GALNT17: variants seen among roughly 807,000 people sequenced by gnomAD.
GALNT17 encodes polypeptide N-acetylgalactosaminyltransferase 17, also known as UDP-GalNAc:polypeptide N-acetylgalactosaminyltransferase-like 3.
A neutral mutation model predicts 63.7 loss-of-function variants in GALNT17; 29 were observed. The observed-to-expected ratio is 0.46, with a 90% CI of 0.34 to 0.62. The LOEUF (loss-of-function observed/expected upper bound fraction) is 0.62, where lower values mean the gene tolerates loss of function less well. Among genes scored for constraint, GALNT17 ranks in the 20% least tolerant of loss-of-function variants. The probability of loss-of-function intolerance (pLI) is 0.01; values close to 1 mark genes in which losing one functional copy is unlikely to be tolerated. For synonymous variants in GALNT17, 305 were observed against 318.3 expected (o/e 0.96, Z 0.45); for missense variants, 603 against 799.6 (o/e 0.75, Z 2.97).
intron 5 of GALNT17, among the ~76,000 whole-genome samples, chr7:71,442,435 A>G (rs1366913380): frequency 2.6e-5 from 4 of 151,976 alleles, no homozygotes; most frequent in Non-Finnish European, 5.9e-5. Context: ...TCCTGACCTC[A>G]TGATCTGCCT....
intron 3 of GALNT17, among the ~76,000 whole-genome samples, chr7:71,399,903 A>AT (rs754662162): frequency 6.6e-6 from 1 of 152,106 alleles, no homozygotes. Flanking sequence ...ATGTTTATAT[A>AT]TTTTTTAGAG....
chr7:71,301,530 G>C (rs1041771575), intron 1 of GALNT17, among the ~76,000 whole-genome samples: 7 of 151,372 alleles, frequency 4.6e-5, no homozygotes, highest in Admixed American at 2.0e-4. Flanking sequence ...TTGTGTTGCT[G>C]TTAGTCTTGT....
chr7:71,450,002 A>G (rs540048467), intron 5 of GALNT17, among the ~76,000 whole-genome samples: 4 of 149,504 alleles, frequency 2.7e-5, no homozygotes, highest in East Asian at 4.2e-4. Context: ...AGATCGTGCC[A>G]TCGCACTCCA....
At chr7:71,459,112 T>G (rs1034466532) in intron 5 of GALNT17, among the ~76,000 whole-genome samples, 1 of 152,090 alleles carries the variant, frequency 6.6e-6, no homozygotes, top group Non-Finnish European at 1.5e-5. Flanking sequence ...AAAAAACACC[T>G]TTCGGCAAAT....
At chr7:71,265,118 A>ATTTTTTTTTTTTTT (rs60738546) in intron 1 of GALNT17, among the ~76,000 whole-genome samples, 2 of 37,462 alleles carry the variant, frequency 5.3e-5, no homozygotes, top group Non-Finnish European at 1.4e-4. Flanking sequence ...ATATATATAT[A>ATTTTTTTTTTTTTT]TTTTTTTTTT....
At position 71,155,670 on chromosome 7, in the gene GALNT17, G is replaced by A. The variant is rs536639256; in HGVS notation, c.238+22630G>A. Reference sequence around the variant, plus strand: ...CTCTGAAGACAGCCTGTTTCCATAAGAGACTACTGATTTTCTACTTTTTGT... The same window carrying A: ...CTCTGAAGACAGCCTGTTTCCATAAAAGACTACTGATTTTCTACTTTTTGT... On this transcript the variant is annotated intron_variant, in intron 1 of 10. Transcript: ENST00000333538. 3.3e-5 allele frequency among the ~76,000 whole-genome samples: 5 copies of A among 151,618 alleles called. No individual in the cohort carries two copies. In the South Asian group the frequency reaches 6.2e-4, roughly 19 times the overall value.
chr7:71,141,088 G>T (rs1462365089), intron 1 of GALNT17, among the ~76,000 whole-genome samples: 1 of 147,144 alleles, frequency 6.8e-6, no homozygotes, highest in East Asian at 2.1e-4. Flanking sequence ...GTGACTCAGG[G>T]CCAGGCGTGG....
intron 5 of GALNT17, among the ~76,000 whole-genome samples, chr7:71,562,439 A>G (rs1789272118): frequency 6.6e-6 from 1 of 152,200 alleles, no homozygotes; most frequent in Admixed American, 6.5e-5. Context: ...ATCATGTAGA[A>G]TCAGTGGGAG....
intron 5 of GALNT17, among the ~76,000 whole-genome samples, chr7:71,570,836 G>A (rs1478671561): frequency 6.6e-6 from 1 of 152,050 alleles, no homozygotes; most frequent in Admixed American, 6.6e-5. Context: ...AAAATTAGCT[G>A]TGCATGGTGG....
chr7:71,476,426 G>T (rs1787723787), intron 5 of GALNT17, among the ~76,000 whole-genome samples: 1 of 151,330 alleles, frequency 6.6e-6, no homozygotes, highest in Non-Finnish European at 1.5e-5. Context: ...TGATGAGGGT[G>T]AAAAAATACT....
intron 6 of GALNT17, among the ~76,000 whole-genome samples, chr7:71,593,748 A>G (rs1789845762): frequency 6.6e-6 from 1 of 152,232 alleles, no homozygotes; most frequent in Admixed American, 6.5e-5. Context: ...AAGGAGAATG[A>G]GGAGAATGCA....
chr7:71,237,699 C>G (rs1258321290), intron 1 of GALNT17, among the ~76,000 whole-genome samples: 1 of 151,956 alleles, frequency 6.6e-6, no homozygotes, highest in Admixed American at 6.6e-5. Context: ...ACCAAACAAA[C>G]AAACAAGTAA....
chr7:71,474,296 ATC>A (rs1397436056), intron 5 of GALNT17, among the ~76,000 whole-genome samples: 1 of 152,060 alleles, frequency 6.6e-6, no homozygotes, highest in Non-Finnish European at 1.5e-5. Flanking sequence ...AGCCTGTTTT[ATC>A]AGCAAAATTT....
intron 9 of GALNT17, among the ~76,000 whole-genome samples, chr7:71,685,917 T>A (rs1244410468): frequency 2.5e-5 from 1 of 39,320 alleles, no homozygotes; most frequent in East Asian, 7.6e-3. Context: ...TTCTTGGGTT[T>A]TTTTTTTTTT....
chr7:71,333,801 A>G (rs1470954378), intron 1 of GALNT17, among the ~76,000 whole-genome samples: 2 of 152,226 alleles, frequency 1.3e-5, no homozygotes, highest in African/African-American at 4.8e-5. Context: ...TATATTAAGC[A>G]TTTTGAAGAA....
intron 5 of GALNT17, among the ~76,000 whole-genome samples, chr7:71,544,934 T>C (rs1584039108): frequency 6.6e-6 from 1 of 152,224 alleles, no homozygotes; most frequent in South Asian, 2.1e-4. Flanking sequence ...TCAAATGCGT[T>C]AGATAAATTA....
chr7:71,186,830 A>AGCTCCTGGG, intron 1 of GALNT17, among the ~76,000 whole-genome samples: 1 of 152,170 alleles, frequency 6.6e-6, no homozygotes, highest in Admixed American at 6.6e-5. Context: ...TGGGAAAATG[A>AGCTCCTGGG]ATATTTTCCC....
intron 2 of GALNT17, among the ~76,000 whole-genome samples, chr7:71,377,141 A>AT (rs1563047778): frequency 2.3e-5 from 3 of 129,500 alleles, no homozygotes; most frequent in Non-Finnish European, 3.2e-5. Flanking sequence ...ATATATATAT[A>AT]AAATCTCCTT....
intron 3 of GALNT17, among the ~76,000 whole-genome samples, chr7:71,404,233 T>A (rs554964220): frequency 6.6e-6 from 1 of 152,358 alleles, no homozygotes; most frequent in South Asian, 2.1e-4. Flanking sequence ...GAAGCTGAGA[T>A]GGCTTTCCTT....
Sources: allele counts gnomAD v4.1 joint callset (sites outside exome capture counted in the v4.1 genomes callset), GRCh38; gene constraint gnomAD v4.1.1; transcripts MANE v1.5; gene names NCBI Gene and HGNC (gene_info 2026-07-23, HGNC 2026-07-21).